The following BNC2 variants were observed in gnomAD, a reference collection of about 807,000 sequenced individuals.
BNC2 encodes the protein basonuclin zinc finger protein 2.
Under a neutral mutation model 76.3 loss-of-function variants are expected in BNC2, and 20 were observed. The observed-to-expected ratio is 0.26, with a 90% CI of 0.18 to 0.38. BNC2 has a LOEUF of 0.38. BNC2 is among the 10% of genes least tolerant of loss of function. The pLI, the probability that BNC2 is intolerant of heterozygous loss-of-function variation, is 1.00. For synonymous variants in BNC2, 582 were observed against 514.8 expected (o/e 1.13, Z -1.77); for missense variants, 1,382 against 1,399.8 (o/e 0.99, Z 0.20).
intron 5 of BNC2, among the ~76,000 whole-genome samples, chr9:16,495,064 T>G (rs1312777476): frequency 6.6e-6 from 1 of 151,976 alleles, no homozygotes; most frequent in Non-Finnish European, 1.5e-5. Flanking sequence ...TTTCCATGAG[T>G]TGGAGTAAAG....
chr9:16,574,557 C>A (rs376868804), intron 4 of BNC2, among the ~76,000 whole-genome samples: 18 of 152,254 alleles, frequency 1.2e-4, no homozygotes, highest in African/African-American at 3.4e-4. Flanking sequence ...ATTTCACCTA[C>A]GGAACACTTG....
intron 3 of BNC2, among the ~76,000 whole-genome samples, chr9:16,713,853 T>A (rs904219583): frequency 1.3e-5 from 2 of 152,146 alleles, no homozygotes; most frequent in African/African-American, 4.8e-5. Flanking sequence ...GGTGGGCAGA[T>A]CGCTTGAGCT....
intron 5 of BNC2, among the ~76,000 whole-genome samples, chr9:16,525,894 C>G (rs1817785428): frequency 6.6e-6 from 1 of 151,844 alleles, no homozygotes; most frequent in African/African-American, 2.4e-5. Context: ...TTTTTTTTTG[C>G]TAAAGGCATG....
intron 3 of BNC2, among the ~76,000 whole-genome samples, chr9:16,687,237 T>G (rs528038748): frequency 1.3e-5 from 2 of 152,282 alleles, no homozygotes; most frequent in Non-Finnish European, 2.9e-5. Context: ...CTACATTTAG[T>G]GGCATCCATT....
At chr9:16,732,633 C>G (rs1824549994) in intron 2 of BNC2, among the ~76,000 whole-genome samples, 2 of 152,198 alleles carry the variant, frequency 1.3e-5, no homozygotes, top group African/African-American at 4.8e-5. Flanking sequence ...ATTCTATAAT[C>G]TGTAATGTGC....
chr9:16,474,883 GCTCT>G (rs1026102853), intron 5 of BNC2, among the ~76,000 whole-genome samples: 2 of 151,960 alleles, frequency 1.3e-5, no homozygotes, highest in African/African-American at 2.4e-5. Context: ...CATCTTGGGA[GCTCT>G]CTATCAAAAG....
chr9:16,612,589 C>T (rs1202250716), intron 3 of BNC2, among the ~76,000 whole-genome samples: 1 of 152,128 alleles, frequency 6.6e-6, no homozygotes, highest in Admixed American at 6.6e-5. Context: ...CAAATACCTA[C>T]TATGTAGAAA....
In BNC2 at chr9:16,417,594, T is replaced by C. The variant is rs1021338056; in HGVS notation, c.*1395A>G. 24 of 152,538 alleles carry C rather than the reference T, an allele frequency of 1.6e-4. No homozygotes were observed. The highest frequency in any genetic ancestry group is 4.8e-4 in the African/African-American group (20 of 41,594). The allele number at this position is 152,538 out of a possible 1,614,324, so 9.4% of individuals were successfully genotyped here. ...AAACAGGCCTGAATTATAGTACGACTGCAGAATTTGCAACAAATTAGACAG... is the reference window on the plus strand; with the variant it reads ...AAACAGGCCTGAATTATAGTACGACCGCAGAATTTGCAACAAATTAGACAG... On this transcript the variant is annotated 3_prime_UTR_variant, in exon 7 of 7. Transcript: ENST00000380672.
At chr9:16,525,915 T>C (rs973885486) in intron 5 of BNC2, among the ~76,000 whole-genome samples, 1 of 152,192 alleles carries the variant, frequency 6.6e-6, no homozygotes, top group Non-Finnish European at 1.5e-5. Context: ...TATTCCTTTT[T>C]AGAATACATT....
rs548554274 is a variant in BNC2, at chr9:16,817,820, A to G, written c.3+52826T>C. On this transcript the variant is annotated intron_variant, in intron 1 of 6. Transcript: ENST00000380672. ...AGGCACTGCTTGGGACACTTGGCAT[A>G]TATTTTCTTTAATGTCTGCCGTCTT... Among the ~76,000 whole-genome samples the G allele has an allele frequency of 6.6e-5, 10 of 152,256 alleles. No homozygotes were observed. The South Asian group carries it at 1.0e-3, about 16-fold the overall frequency.
intron 3 of BNC2, among the ~76,000 whole-genome samples, chr9:16,658,425 C>A (rs577326465): frequency 2.6e-5 from 4 of 152,304 alleles, no homozygotes; most frequent in African/African-American, 9.6e-5. Context: ...TCAGTTTCTA[C>A]TACCTGAAAC....
intron 3 of BNC2, among the ~76,000 whole-genome samples, chr9:16,640,824 G>A (rs551615942): frequency 6.6e-6 from 1 of 152,238 alleles, no homozygotes; most frequent in Non-Finnish European, 1.5e-5. Flanking sequence ...ACCAAGACCT[G>A]GCTCTGCCCC....
intron 3 of BNC2, among the ~76,000 whole-genome samples, chr9:16,677,360 A>G (rs911766878): frequency 1.3e-4 from 20 of 152,110 alleles, no homozygotes; most frequent in Admixed American, 1.3e-3. Context: ...ATTACTTGAG[A>G]TCAAGAGTTC....
At chr9:16,493,841 G>T (rs976556003) in intron 5 of BNC2, among the ~76,000 whole-genome samples, 1 of 152,178 alleles carries the variant, frequency 6.6e-6, no homozygotes, top group African/African-American at 2.4e-5. Flanking sequence ...GCAGCAGTAA[G>T]TAGAAAGGCA....
At chr9:16,627,401 AT>A (rs1205337426) in intron 3 of BNC2, among the ~76,000 whole-genome samples, 1 of 152,150 alleles carries the variant, frequency 6.6e-6, no homozygotes, top group Non-Finnish European at 1.5e-5. Context: ...AATGGCATTC[AT>A]TTTCCAAAGA....
chr9:16,504,119 C>T (rs1822577153), intron 5 of BNC2, among the ~76,000 whole-genome samples: 1 of 151,818 alleles, frequency 6.6e-6, no homozygotes, highest in Non-Finnish European at 1.5e-5. Flanking sequence ...GCAACAGCAC[C>T]CATTTATCTA....
chr9:16,507,215 G>A (rs1248079409), intron 5 of BNC2, among the ~76,000 whole-genome samples: 1 of 141,776 alleles, frequency 7.1e-6, no homozygotes, highest in African/African-American at 2.6e-5. Context: ...TTTCTCCCTT[G>A]TCTACAAGCC....
At chr9:16,783,486 C>T (rs776680549) in intron 1 of BNC2, among the ~76,000 whole-genome samples, 22 of 152,202 alleles carry the variant, frequency 1.4e-4, no homozygotes, top group Non-Finnish European at 2.9e-4. Context: ...TACGCTTACG[C>T]TTCTGCATAC....
chr9:16,746,548 G>T (rs748701597), intron 1 of BNC2, among the ~76,000 whole-genome samples: 1 of 151,628 alleles, frequency 6.6e-6, no homozygotes, highest in African/African-American at 2.4e-5. Flanking sequence ...ATTTTTAGTA[G>T]AGACAGGGTT....
Sources: gnomAD v4.1 joint callset for allele counts (sites outside exome capture counted in the v4.1 genomes callset) on GRCh38, gnomAD v4.1.1 for gene constraint, MANE v1.5 for transcripts, NCBI Gene and HGNC (gene_info 2026-07-23, HGNC 2026-07-21) for gene names.